PLCE1: variants seen among roughly 807,000 people sequenced by gnomAD.
PLCE1 encodes phospholipase C epsilon 1.
PLCE1 carries 119 observed loss-of-function variants against 242.8 expected under a neutral mutation model. That is an observed-to-expected ratio of 0.49 (90% CI 0.42 to 0.57). The LOEUF is 0.57. Ranked by LOEUF, PLCE1 falls within the 20% of genes least tolerant of loss-of-function variation. PLCE1 has a pLI of 0.00. For missense variants in PLCE1, 2,441 were observed against 2,788.8 expected (o/e 0.88, Z 2.81); for synonymous variants, 945 against 1,017.4 (o/e 0.93, Z 1.35).
chr10:94,284,374 A>G (rs1157773534), intron 21 of PLCE1, among the ~76,000 whole-genome samples: 2 of 152,174 alleles, frequency 1.3e-5, no homozygotes, highest in Non-Finnish European at 2.9e-5. Context: ...GGCATTTGGG[A>G]TGACCAAGAA....
At chr10:94,303,479 G>T (rs2053104761) in intron 24 of PLCE1, among the ~76,000 whole-genome samples, 1 of 152,028 alleles carries the variant, frequency 6.6e-6, no homozygotes, top group South Asian at 2.1e-4. Flanking sequence ...ATGATTGAGG[G>T]GATTGTGGAC....
At chr10:94,193,965 A>AT (rs543526797) in intron 4 of PLCE1, among the ~76,000 whole-genome samples, 10 of 152,308 alleles carry the variant, frequency 6.6e-5, no homozygotes, top group Admixed American at 2.0e-4. Context: ...TTTTTAAAGC[A>AT]TTTTTTTATT....
intron 22 of PLCE1, among the ~76,000 whole-genome samples, chr10:94,289,725 T>C (rs112958829): frequency 1.3e-5 from 2 of 152,112 alleles, no homozygotes; most frequent in Non-Finnish European, 2.9e-5. Flanking sequence ...AGGGCACTTA[T>C]CATGAATGAA....
At chr10:94,055,011 C>CAAA (rs71306823) in intron 2 of PLCE1, among the ~76,000 whole-genome samples, 2 of 91,180 alleles carry the variant, frequency 2.2e-5, no homozygotes, top group East Asian at 2.9e-4. Flanking sequence ...GACTCCATCT[C>CAAA]AAAAAAAAAA....
At chr10:94,216,540 T>G (rs2049535460) in intron 4 of PLCE1, among the ~76,000 whole-genome samples, 1 of 152,054 alleles carries the variant, frequency 6.6e-6, no homozygotes, top group African/African-American at 2.4e-5. Context: ...GGCAGCAGCT[T>G]GGGGTGAGGT....
chr10:94,215,307 G>T (rs978643660), intron 4 of PLCE1, among the ~76,000 whole-genome samples: 2 of 152,284 alleles, frequency 1.3e-5, no homozygotes, highest in South Asian at 4.1e-4. Context: ...AATGTATTAT[G>T]CATAACTCAA....
intron 27 of PLCE1, among the ~76,000 whole-genome samples, chr10:94,311,067 TGGAA>T (rs1457225144): frequency 1.3e-5 from 2 of 152,172 alleles, no homozygotes; most frequent in Non-Finnish European, 2.9e-5. Context: ...AGCAGCCTCA[TGGAA>T]GGATGCATGG....
chr10:94,005,235 A>C (rs190410687), intron 1 of PLCE1, among the ~76,000 whole-genome samples: 131 of 152,334 alleles, frequency 8.6e-4, no homozygotes, highest in South Asian at 1.4e-3. Flanking sequence ...CCTTGTGACC[A>C]GTTCTATTCA....
intron 4 of PLCE1, among the ~76,000 whole-genome samples, chr10:94,200,968 C>A (rs2048969475): frequency 6.6e-6 from 1 of 152,250 alleles, no homozygotes; most frequent in Middle Eastern, 3.4e-3. Context: ...GTGTAAGAAA[C>A]TGTTATAGCC....
At chr10:94,039,043 C>G (rs1033062896) in intron 2 of PLCE1, among the ~76,000 whole-genome samples, 3 of 152,168 alleles carry the variant, frequency 2.0e-5, no homozygotes, top group Non-Finnish European at 4.4e-5. Flanking sequence ...GTTAAATATT[C>G]ATTTATACGG....
At chr10:94,152,974 A>G (rs779086793) in intron 3 of PLCE1, among the ~76,000 whole-genome samples, 12 of 152,310 alleles carry the variant, frequency 7.9e-5, no homozygotes, top group Non-Finnish European at 1.0e-4. Context: ...AAAATGTGAT[A>G]ATAACAAACA....
At chr10:94,227,473 GT>G in intron 5 of PLCE1, 22 bp downstream of exon 5, 1 of 1,609,826 alleles carries the variant, frequency 6.2e-7, no homozygotes, top group Non-Finnish European at 8.5e-7. Context: ...GGGGAATATG[GT>G]TATCTTGGCA....
At chr10:94,299,283 A>C (rs1001056972) in intron 24 of PLCE1, among the ~76,000 whole-genome samples, 1 of 152,218 alleles carries the variant, frequency 6.6e-6, no homozygotes, top group African/African-American at 2.4e-5. Context: ...CTTACTGTGC[A>C]TTAGGCAGTA....
At chr10:94,203,184 T>G (rs1183773761) in intron 4 of PLCE1, among the ~76,000 whole-genome samples, 1 of 152,158 alleles carries the variant, frequency 6.6e-6, no homozygotes, top group Non-Finnish European at 1.5e-5. Context: ...TTCAGGGAAG[T>G]CTCTGTGCCT....
At chr10:94,201,488 T>G (rs1178953038) in intron 4 of PLCE1, among the ~76,000 whole-genome samples, 1 of 152,230 alleles carries the variant, frequency 6.6e-6, no homozygotes, top group African/African-American at 2.4e-5. Context: ...AAGTTTTTAA[T>G]TTTTTTGAGC....
At chr10:94,094,075 G>A (rs926400694) in intron 2 of PLCE1, among the ~76,000 whole-genome samples, 1 of 147,516 alleles carries the variant, frequency 6.8e-6, no homozygotes, top group Admixed American at 6.7e-5. Flanking sequence ...CCAAGTAGCT[G>A]GGACTACAGG....
At chr10:94,229,097 G>A (rs1342653538) in intron 5 of PLCE1, among the ~76,000 whole-genome samples, 3 of 151,748 alleles carry the variant, frequency 2.0e-5, no homozygotes, top group Admixed American at 1.3e-4. Flanking sequence ...CAGGAGAATC[G>A]CTTGAACCAG....
At chr10:94,074,103 TATC>T (rs886266926) in intron 2 of PLCE1, among the ~76,000 whole-genome samples, 4 of 152,018 alleles carry the variant, frequency 2.6e-5, no homozygotes, top group Non-Finnish European at 5.9e-5. Flanking sequence ...GACCCATAAA[TATC>T]ATTTCTATGG....
intron 4 of PLCE1, among the ~76,000 whole-genome samples, chr10:94,176,682 A>G (rs1288713570): frequency 6.6e-6 from 1 of 152,178 alleles, no homozygotes; most frequent in Non-Finnish European, 1.5e-5. Flanking sequence ...AAGTGAATGC[A>G]TTTACTCGTG....
Sources: gnomAD v4.1 joint callset for allele counts (sites outside exome capture counted in the v4.1 genomes callset) on GRCh38, gnomAD v4.1.1 for gene constraint, MANE v1.5 for transcripts, NCBI Gene and HGNC (gene_info 2026-07-23, HGNC 2026-07-21) for gene names.